Variants in SPATA16 observed in about 807,000 individuals in gnomAD.
SPATA16 encodes the protein spermatogenesis-associated protein 16.
Under a neutral mutation model 63.3 loss-of-function variants are expected in SPATA16, and 36 were observed. The ratio of observed to expected loss-of-function variants is 0.57; its 90% CI spans 0.44 to 0.75. The LOEUF is 0.75. Ranked by LOEUF, SPATA16 falls within the 30% of genes least tolerant of loss-of-function variation. The pLI, the probability that SPATA16 is intolerant of heterozygous loss-of-function variation, is 0.00. For synonymous variants in SPATA16, 203 were observed against 216.7 expected (o/e 0.94, Z 0.56); for missense variants, 646 against 679.3 (o/e 0.95, Z 0.54).
At chr3:173,114,179 C>CAAAAA (rs34754459) in intron 2 of SPATA16, among the ~76,000 whole-genome samples, 2 of 66,302 alleles carry the variant, frequency 3.0e-5, no homozygotes, top group Non-Finnish European at 6.1e-5. Flanking sequence ...GACTCCATCT[C>CAAAAA]AAAAAAAAAA....
rs541550629 is a variant in SPATA16 at position 173,123,601 on chromosome 3, A to ATTT, written c.-18-5855_-18-5853dup. Among the ~76,000 whole-genome samples, 40 of 136,538 alleles carry ATTT rather than the reference A, an allele frequency of 2.9e-4. 1 individual carries two copies. The highest frequency in any genetic ancestry group is 1.0e-3 in the African/African-American group (37 of 36,936). The allele number at this position is 136,538 out of a possible 152,430, so 89.6% of individuals were successfully genotyped here. On this transcript the variant is annotated intron_variant, in intron 1 of 10. Coordinates refer to ENST00000351008, the MANE Select transcript of SPATA16 (RefSeq NM_031955.6). ...TCAAATTTGTTAAGAAAGGTATTAGATTTTTTTTTTTTTTTTTTTGAGACA... is the reference window on the plus strand; with the variant it reads ...TCAAATTTGTTAAGAAAGGTATTAGATTTTTTTTTTTTTTTTTTTTTTGAGACA...
At chr3:172,965,766 T>TGG (rs1172059994) in intron 5 of SPATA16, among the ~76,000 whole-genome samples, 1 of 152,020 alleles carries the variant, frequency 6.6e-6, no homozygotes, top group Non-Finnish European at 1.5e-5. Context: ...TTAGTAGAGA[T>TGG]GGGGTTTCAC....
chr3:173,083,488 T>C (rs1485637381), intron 2 of SPATA16, among the ~76,000 whole-genome samples: 8 of 152,158 alleles, frequency 5.3e-5, no homozygotes, highest in Non-Finnish European at 1.0e-4. Flanking sequence ...CTTAACTTTA[T>C]TATTTATTTT....
chr3:172,938,930 C>T (rs760462086), intron 6 of SPATA16, among the ~76,000 whole-genome samples: 1 of 145,154 alleles, frequency 6.9e-6, no homozygotes, highest in Non-Finnish European at 1.5e-5. Flanking sequence ...TAAATGTCTT[C>T]CTGAGGGGTC....
In SPATA16 at chr3:172,924,292, G is replaced by A; in HGVS notation, c.1254C>T (p.Thr418=). 6.2e-7 allele frequency: 1 copy of A among 1,613,044 alleles called. No homozygotes were observed. The highest frequency in any genetic ancestry group is 1.1e-5 in the South Asian group (1 of 91,052). ...CCATTTGCCTCACTGTATCTTCTCT[G>A]GTCAGACCGAAAGGTGTTTTATGCT... ...FTEHKTPFGL[T]REDTVRQMET... is the part of the protein sequence containing the mutation. Residue 418 remains threonine (T), a synonymous_variant, in exon 8 of 11, where the codon ACC becomes ACT. Coordinates refer to ENST00000351008, the MANE Select transcript of SPATA16 (RefSeq NM_031955.6).
chr3:173,081,820 G>A (rs539497214), intron 2 of SPATA16, among the ~76,000 whole-genome samples: 2 of 152,242 alleles, frequency 1.3e-5, no homozygotes, highest in South Asian at 2.1e-4. Flanking sequence ...TAAATTTAAA[G>A]GGAACTGCTA....
intron 2 of SPATA16, among the ~76,000 whole-genome samples, chr3:173,096,834 A>AT (rs11425717): frequency 0.44 from 66,663 of 151,864 alleles, 15,186 homozygotes; most frequent in African/African-American, 0.55. Context: ...ATGTTTATTA[A>AT]AGGGAATATG....
chr3:172,946,991 G>T (rs374201913), intron 6 of SPATA16, among the ~76,000 whole-genome samples: 6 of 129,448 alleles, frequency 4.6e-5, no homozygotes, highest in Non-Finnish European at 7.4e-5. Flanking sequence ...GCAGCTCAGC[G>T]CAGAGAGAGA....
intron 9 of SPATA16, among the ~76,000 whole-genome samples, chr3:172,915,733 A>G (rs960912825): frequency 1.4e-4 from 21 of 152,190 alleles, no homozygotes; most frequent in African/African-American, 4.8e-4. Context: ...GTGTGTGGCT[A>G]AAGTGTCTGG....
intron 4 of SPATA16, among the ~76,000 whole-genome samples, chr3:172,995,153 CT>C (rs1734668604): frequency 6.6e-6 from 1 of 151,850 alleles, no homozygotes; most frequent in African/African-American, 2.4e-5. Flanking sequence ...GGGATAGAAC[CT>C]TTGGAAATAC....
At chr3:173,115,921 C>G (rs1378809017) in intron 2 of SPATA16, among the ~76,000 whole-genome samples, 2 of 148,716 alleles carry the variant, frequency 1.3e-5, no homozygotes, top group East Asian at 2.0e-4. Context: ...GACACAGAGT[C>G]TTACTCTGTT....
chr3:173,109,620 A>G (rs1737702488), intron 2 of SPATA16, among the ~76,000 whole-genome samples: 1 of 152,190 alleles, frequency 6.6e-6, no homozygotes, highest in African/African-American at 2.4e-5. Flanking sequence ...TTGAAGGTAA[A>G]TAAATTACAC....
At chr3:173,118,753 A>G (rs758742650) in intron 1 of SPATA16, among the ~76,000 whole-genome samples, 6 of 152,166 alleles carry the variant, frequency 3.9e-5, no homozygotes, top group Non-Finnish European at 8.8e-5. Context: ...TCAGATTGCT[A>G]TTACCTTCCT....
At chr3:173,060,790 T>TA (rs1425021614) in intron 2 of SPATA16, among the ~76,000 whole-genome samples, 1 of 152,252 alleles carries the variant, frequency 6.6e-6, no homozygotes, top group African/African-American at 2.4e-5. Flanking sequence ...TTTTAAATCT[T>TA]ACTACGTAGC....
chr3:173,117,023 A>T, intron 2 of SPATA16, 97 bp downstream of exon 2: 1 of 1,208,800 alleles, frequency 8.3e-7, no homozygotes, highest in Non-Finnish European at 1.2e-6. Flanking sequence ...CCTCATGATC[A>T]CTGCTTATTA....
chr3:173,038,206 C>T (rs1304772683), intron 3 of SPATA16, among the ~76,000 whole-genome samples: 1 of 151,928 alleles, frequency 6.6e-6, no homozygotes, highest in Non-Finnish European at 1.5e-5. Context: ...TTATCTCCTC[C>T]AATAAAAACT....
At chr3:173,101,909 C>T (rs1737506742) in intron 2 of SPATA16, among the ~76,000 whole-genome samples, 1 of 152,128 alleles carries the variant, frequency 6.6e-6, no homozygotes, top group Admixed American at 6.5e-5. Context: ...CCTACCCAGC[C>T]CAGACCCACA....
At chr3:172,953,997 G>C (rs927529729) in intron 6 of SPATA16, among the ~76,000 whole-genome samples, 5 of 152,328 alleles carry the variant, frequency 3.3e-5, no homozygotes, top group African/African-American at 1.2e-4. Context: ...CTGTGTGACA[G>C]TCTATTCATA....
chr3:173,109,257 C>T (rs1434219145), intron 2 of SPATA16, among the ~76,000 whole-genome samples: 1 of 152,104 alleles, frequency 6.6e-6, no homozygotes. Context: ...TCCCTCTTCA[C>T]AACTTCTCCC....
Sources: allele counts gnomAD v4.1 joint callset (sites outside exome capture counted in the v4.1 genomes callset), GRCh38; gene constraint gnomAD v4.1.1; transcripts MANE v1.5; gene names NCBI Gene and HGNC (gene_info 2026-07-23, HGNC 2026-07-21).